The following KYNU variants were observed in gnomAD, a reference collection of about 807,000 sequenced individuals.
KYNU encodes L-kynurenine hydrolase.
KYNU carries 54 observed loss-of-function variants against 59.2 expected under a neutral mutation model. The ratio of observed to expected loss-of-function variants is 0.91; its 90% confidence interval spans 0.73 to 1.14. KYNU has a LOEUF of 1.14. KYNU is among the 50% of genes most tolerant of loss of function. The pLI is 0.00. For synonymous variants in KYNU, 177 were observed against 192.0 expected, an observed-to-expected ratio of 0.92 and a Z score of 0.65; for missense variants, 567 against 554.4, an observed-to-expected ratio of 1.02 and a Z score of -0.23.
chr2:143,031,612 T>C (rs1268945349), intron 11 of KYNU, among the ~76,000 whole-genome samples: 3 of 152,046 alleles, frequency 2.0e-5, no homozygotes, highest in Non-Finnish European at 4.4e-5. Context: ...TAGTCCCAGC[T>C]ACTTGGGAGC....
intron 1 of KYNU, among the ~76,000 whole-genome samples, chr2:142,880,971 G>C (rs963311374): frequency 2.6e-5 from 4 of 152,096 alleles, no homozygotes. Context: ...TATTATTATC[G>C]TAAGTAAAGT....
In KYNU at chr2:143,051,617, G is replaced by T. The variant is rs1055203458; in HGVS notation, c.*9445G>T. On this transcript the variant is annotated 3_prime_UTR_variant, in exon 14 of 14. Transcript: ENST00000264170. ...TTTCCCATGATGTTCTCATGATAATGAATAAGTTTCATGAGATCTGTTGGT... is the reference window on the plus strand; with the variant it reads ...TTTCCCATGATGTTCTCATGATAATTAATAAGTTTCATGAGATCTGTTGGT... 3.3e-5 allele frequency: 5 copies of T among 152,122 alleles called. No homozygotes were observed. Among genetic ancestry groups the T allele is most frequent in the Admixed American group, 1.3e-4 (2 of 15,276 alleles). The allele number at this position is 152,122 out of a possible 1,614,324, so 9.4% of individuals were successfully genotyped here. A position where few individuals can be genotyped will look rare whatever the true frequency, so the allele number is the denominator to read the frequency against.
At chr2:142,989,512 A>G (rs145080321) in intron 10 of KYNU, 1 of 983,754 alleles carries the variant, frequency 1.0e-6, no homozygotes, top group East Asian at 1.1e-4. Context: ...TAAACATGTT[A>G]TTTCAAATAA....
intron 3 of KYNU, among the ~76,000 whole-genome samples, chr2:142,925,736 C>T (rs908064785): frequency 7.2e-5 from 11 of 152,064 alleles, no homozygotes; most frequent in Admixed American, 3.9e-4. Context: ...GTATTTATAC[C>T]TTGGAAATCT....
At chr2:142,989,527 T>TA in intron 10 of KYNU, 21 of 975,926 alleles carry the variant, frequency 2.2e-5, no homozygotes, top group Non-Finnish European at 2.4e-5. Context: ...AAATAAATAA[T>TA]ATCGAAATAA....
chr2:142,973,963 G>A (rs1307511097), intron 8 of KYNU, among the ~76,000 whole-genome samples: 2 of 152,170 alleles, frequency 1.3e-5, no homozygotes, highest in African/African-American at 4.8e-5. Context: ...CCCTCGACAT[G>A]TTCTAACACC....
intron 4 of KYNU, among the ~76,000 whole-genome samples, chr2:142,934,546 T>G (rs2105032472): frequency 6.6e-6 from 1 of 151,978 alleles, no homozygotes; most frequent in Middle Eastern, 3.4e-3. Flanking sequence ...AGGGGTGGCT[T>G]GGGGTTTGGA....
Position 142,885,107 on chromosome 2 carries a change from C to T in KYNU, c.-19-242C>T, listed in dbSNP as rs186287000. Among the ~76,000 whole-genome samples the T allele has an allele frequency of 3.2e-3, 425 of 133,786 alleles. 4 individuals carry two copies. The highest frequency in any genetic ancestry group is 0.03 in the East Asian group (136 of 4,480). The allele number at this position is 133,786 out of a possible 152,430, so 87.8% of individuals were successfully genotyped here. ...CTCAAACTCCTGACCTCAAGTGATCCGCCCACCTCGGCCTCCCAAAGTGCT... is the reference window on the plus strand; with the variant it reads ...CTCAAACTCCTGACCTCAAGTGATCTGCCCACCTCGGCCTCCCAAAGTGCT... On this transcript the variant is annotated intron_variant, in intron 1 of 13. Coordinates refer to ENST00000264170, the MANE Select transcript of KYNU (RefSeq NM_003937.3).
rs901233290 is a variant in KYNU at position 142,939,617 on chromosome 2, A to G, written c.373+11876A>G. Among the ~76,000 whole-genome samples the G allele has an allele frequency of 7.1e-3, 1,074 of 150,236 alleles. 8 individuals carry two copies. The highest frequency in any genetic ancestry group is 0.025 in the African/African-American group (1,020 of 40,874). ...CTCCATCTCACAAAAAAAAAAAAAA[A>G]AAAAAGAAAAAAGAAAAAGAAAAGA... On this transcript the variant is annotated intron_variant, in intron 4 of 13. Transcript: ENST00000264170.
At chr2:142,935,567 A>G (rs1010337464) in intron 4 of KYNU, among the ~76,000 whole-genome samples, 3 of 152,146 alleles carry the variant, frequency 2.0e-5, no homozygotes, top group South Asian at 2.1e-4. Flanking sequence ...GTTAGTTTAT[A>G]AGACTGGGTA....
intron 10 of KYNU, among the ~76,000 whole-genome samples, chr2:143,022,891 T>C (rs1286860761): frequency 6.6e-6 from 1 of 151,976 alleles, no homozygotes; most frequent in East Asian, 1.9e-4. Flanking sequence ...TCTTGATCAA[T>C]TGGTATTCCT....
Position 143,031,268 on chromosome 2 carries a change from G to A in KYNU, c.955+1589G>A, listed in dbSNP as rs534476964. On this transcript the variant is annotated intron_variant, in intron 11 of 13. Coordinates refer to ENST00000264170, the MANE Select transcript of KYNU (RefSeq NM_003937.3). The stretch of plus-strand genomic sequence containing the variant: ...GAAATAAAGGAATTGAATTTGATCA[G>A]GGGTAGCAAACTTTTTCTGTGAAAG... 2.5e-3 allele frequency among the ~76,000 whole-genome samples: 386 copies of A among 152,208 alleles called. 3 individuals carry two copies. Among genetic ancestry groups the A allele is most frequent in the Non-Finnish European group, 4.5e-3 (304 of 68,014 alleles).
chr2:143,016,485 A>C (rs1686249340), intron 10 of KYNU, among the ~76,000 whole-genome samples: 1 of 152,204 alleles, frequency 6.6e-6, no homozygotes, highest in African/African-American at 2.4e-5. Context: ...CCTGTCTTCT[A>C]AATCAATTCT....
At chr2:142,934,742 G>A (rs149987080) in intron 4 of KYNU, among the ~76,000 whole-genome samples, 325 of 152,308 alleles carry the variant, frequency 2.1e-3, no homozygotes, top group African/African-American at 7.2e-3. Context: ...TCAGGGCACC[G>A]TCACTCTTCA....
chr2:142,923,145 TA>T (rs1682939230), intron 3 of KYNU, among the ~76,000 whole-genome samples: 1 of 152,178 alleles, frequency 6.6e-6, no homozygotes, highest in Admixed American at 6.5e-5. Flanking sequence ...AATTTTAACA[TA>T]AGAATTTGAA....
In KYNU at chr2:142,885,337, A is replaced by G. The variant is rs1472580701; in HGVS notation, c.-19-12A>G. 1.2e-6 allele frequency: 2 copies of G among 1,606,652 alleles called. No homozygotes were observed. Among genetic ancestry groups the G allele is most frequent in the African/African-American group, 1.3e-5 (1 of 74,754 alleles). ...TATGGTGGCTAGATTATGTTTTATT[A>G]TTCTCTTTCAGTTTTAGAGAACAAC... is the stretch of plus-strand genomic sequence containing the variant. On this transcript the variant is annotated splice_polypyrimidine_tract_variant and intron_variant, in intron 1 of 13. Coordinates refer to ENST00000264170, the MANE Select transcript of KYNU (RefSeq NM_003937.3).
chr2:142,949,962 C>T (rs1355285033), intron 4 of KYNU, among the ~76,000 whole-genome samples: 1 of 152,180 alleles, frequency 6.6e-6, no homozygotes, highest in Non-Finnish European at 1.5e-5. Context: ...TTAGAAGTTT[C>T]TTCTGCCAGA....
chr2:142,910,131 C>CTT (rs368644903), intron 2 of KYNU, among the ~76,000 whole-genome samples: 4,292 of 105,252 alleles, frequency 0.041, 253 homozygotes, highest in East Asian at 0.19. Context: ...TGTTCTTTGC[C>CTT]TTTTTTTTTT....
At chr2:142,959,618 AT>A (rs1170869683) in intron 7 of KYNU, among the ~76,000 whole-genome samples, 1 of 152,154 alleles carries the variant, frequency 6.6e-6, no homozygotes, top group African/African-American at 2.4e-5. Context: ...AAACTTCAGA[AT>A]TGCTAGGATA....
Sources: allele counts gnomAD v4.1 joint callset (sites outside exome capture counted in the v4.1 genomes callset), GRCh38; gene constraint gnomAD v4.1.1; transcripts MANE v1.5; gene names NCBI Gene and HGNC (gene_info 2026-07-23, HGNC 2026-07-21).